The following TBC1D5 variants were observed in gnomAD, a reference collection of about 807,000 sequenced individuals.
TBC1D5 encodes the protein TBC1 domain family member 5, also known as TBC1 domain family, member 5.
TBC1D5 carries 75 observed loss-of-function variants against 100.3 expected under a neutral mutation model. The ratio of observed to expected loss-of-function variants is 0.75; its 90% confidence interval spans 0.62 to 0.91. The LOEUF is 0.91. TBC1D5 is among the 40% of genes least tolerant of loss of function. The pLI, the probability that TBC1D5 is intolerant of heterozygous loss-of-function variation, is 0.00. For synonymous variants in TBC1D5, 323 were observed against 325.6 expected (o/e 0.99, Z 0.09); for missense variants, 910 against 942.4 (o/e 0.97, Z 0.45).
At chr3:17,310,955 A>G (rs945346472) in intron 13 of TBC1D5, among the ~76,000 whole-genome samples, 17 of 152,110 alleles carry the variant, frequency 1.1e-4, no homozygotes, top group Non-Finnish European at 2.4e-4. Flanking sequence ...TTTAGTTCTT[A>G]TATATATTCA....
intron 15 of TBC1D5, among the ~76,000 whole-genome samples, chr3:17,263,319 T>C (rs1032600810): frequency 7.4e-6 from 1 of 135,842 alleles, no homozygotes; most frequent in African/African-American, 2.9e-5. Flanking sequence ...TGAGCTAAGA[T>C]TGTGTCACTG....
At chr3:17,724,549 G>A (rs1167699429) in intron 1 of TBC1D5, among the ~76,000 whole-genome samples, 1 of 152,056 alleles carries the variant, frequency 6.6e-6, no homozygotes, top group Non-Finnish European at 1.5e-5. Context: ...GATTTTCTTT[G>A]TTGTTGATGT....
intron 2 of TBC1D5, chr3:17,575,428 C>T (rs2096651822): frequency 1.3e-5 from 2 of 151,996 alleles, no homozygotes; most frequent in South Asian, 4.1e-4. Context: ...AACATTTTTA[C>T]CTGAATTTTG....
chr3:17,531,860 T>C (rs2096231109), intron 2 of TBC1D5, among the ~76,000 whole-genome samples: 1 of 152,204 alleles, frequency 6.6e-6, no homozygotes, highest in African/African-American at 2.4e-5. Context: ...ATTTACATGT[T>C]AGACCTAAAA....
exon 22 of TBC1D5, chr3:17,160,904 T>C: frequency 1.3e-6 from 2 of 1,556,986 alleles, no homozygotes; most frequent in African/African-American, 2.7e-5. Context: ...AGCCTCAGTC[T>C]GGCCTTGGGG....
At chr3:17,291,815 T>G in intron 15 of TBC1D5, 80 bp downstream of exon 15, 2 of 1,294,624 alleles carry the variant, frequency 1.5e-6, no homozygotes, top group African/African-American at 1.5e-5. Flanking sequence ...AATTCCACAT[T>G]TGGAATTCTT....
intron 2 of TBC1D5, among the ~76,000 whole-genome samples, chr3:17,535,420 C>T (rs1446470579): frequency 6.6e-6 from 1 of 152,130 alleles, no homozygotes; most frequent in Admixed American, 6.6e-5. Flanking sequence ...TTTGACAATA[C>T]AATTGCTGAA....
chr3:17,527,185 T>C (rs143992930), intron 2 of TBC1D5, among the ~76,000 whole-genome samples: 7 of 152,174 alleles, frequency 4.6e-5, no homozygotes, highest in African/African-American at 1.4e-4. Flanking sequence ...TAGAGAAAGA[T>C]GGGATATGAC....
rs547266116 is a variant in TBC1D5 at position 17,536,640 on chromosome 3, C to T, written c.-35-28035G>A. 1.1e-3 allele frequency among the ~76,000 whole-genome samples: 165 copies of T among 152,210 alleles called. 1 individual carries two copies. The highest frequency in any genetic ancestry group is 3.8e-3 in the African/African-American group (157 of 41,546). ...AGTCTCAAGAGGTCCTGAGAAAGTG[C>T]GCCTGCAGTGGCTGGGTTATGGTTT... On this transcript the variant is annotated intron_variant, in intron 2 of 21. Coordinates refer to ENST00000253692, the Ensembl canonical transcript of TBC1D5.
chr3:17,669,026 CTTGAA>C (rs963331086), intron 1 of TBC1D5, among the ~76,000 whole-genome samples: 5 of 152,152 alleles, frequency 3.3e-5, no homozygotes, highest in Non-Finnish European at 7.4e-5. Context: ...CAAATCTCAC[CTTGAA>C]TTGTAGTTCC....
intron 3 of TBC1D5, among the ~76,000 whole-genome samples, chr3:17,491,945 G>A (rs2095644937): frequency 6.6e-6 from 1 of 152,172 alleles, no homozygotes; most frequent in African/African-American, 2.4e-5. Flanking sequence ...TTGATTGGCA[G>A]ACTGTTTACT....
At chr3:17,300,241 G>A (rs2082692114) in intron 14 of TBC1D5, among the ~76,000 whole-genome samples, 1 of 152,210 alleles carries the variant, frequency 6.6e-6, no homozygotes, top group African/African-American at 2.4e-5. Context: ...AGACCTAGTA[G>A]TCAGGAAGTG....
At chr3:17,236,085 T>G (rs1444112663) in intron 17 of TBC1D5, among the ~76,000 whole-genome samples, 1 of 152,158 alleles carries the variant, frequency 6.6e-6, no homozygotes, top group African/African-American at 2.4e-5. Context: ...GGACTTGGTT[T>G]TCATCAATTG....
chr3:17,382,645 C>A (rs1003305623), intron 9 of TBC1D5, among the ~76,000 whole-genome samples: 8 of 151,722 alleles, frequency 5.3e-5, no homozygotes, highest in Non-Finnish European at 7.4e-5. Context: ...ACTGCAGCCT[C>A]AAACTCCTGG....
chr3:17,612,989 A>G lies in TBC1D5; in HGVS notation c.-36+10860T>C, dbSNP rs2061807800. Among the ~76,000 whole-genome samples, 3 of 152,030 alleles carry G rather than the reference A, an allele frequency of 2.0e-5. No homozygotes were observed. In the South Asian group the frequency reaches 6.2e-4, roughly 32 times the overall value. ...CCATGTTGGTTTGCTGCACCCCTCA[A>G]CAAGTCATTTACATTACATATTTCT... is the stretch of plus-strand genomic sequence containing the variant. On this transcript the variant is annotated intron_variant, in intron 2 of 21. Coordinates refer to ENST00000253692, the Ensembl canonical transcript of TBC1D5.
intron 16 of TBC1D5, among the ~76,000 whole-genome samples, chr3:17,254,133 G>T (rs2077418852): frequency 6.6e-6 from 1 of 152,192 alleles, no homozygotes; most frequent in South Asian, 2.1e-4. Flanking sequence ...GTTATTTCCA[G>T]ATTTGGGGTA....
intron 2 of TBC1D5, among the ~76,000 whole-genome samples, chr3:17,603,162 T>G (rs1182974124): frequency 4.0e-5 from 6 of 151,418 alleles, no homozygotes; most frequent in South Asian, 2.1e-4. Flanking sequence ...TTGGTTTTTT[T>G]TTTTTTTTTT....
chr3:17,158,954 A>T (rs2065813265), exon 22 of TBC1D5: 1 of 152,254 alleles, frequency 6.6e-6, no homozygotes, highest in Non-Finnish European at 1.5e-5. Flanking sequence ...ACACCTTCCC[A>T]AGGTGAGAAA....
intron 2 of TBC1D5, among the ~76,000 whole-genome samples, chr3:17,579,631 G>C (rs1299471129): frequency 6.6e-6 from 1 of 152,012 alleles, no homozygotes; most frequent in Non-Finnish European, 1.5e-5. Context: ...TGCACATATA[G>C]TGAAAACCTA....
Sources: gnomAD v4.1 joint callset for allele counts (sites outside exome capture counted in the v4.1 genomes callset) on GRCh38, gnomAD v4.1.1 for gene constraint, MANE v1.5 for transcripts, NCBI Gene and HGNC (gene_info 2026-07-23, HGNC 2026-07-21) for gene names.